CLNK: variants seen among roughly 807,000 people sequenced by gnomAD.
The protein encoded by CLNK is cytokine-dependent hematopoietic cell linker.
CLNK carries 74 observed loss-of-function variants against 68.6 expected under a neutral mutation model. The observed-to-expected ratio is 1.08, with a 90% CI of 0.89 to 1.31. CLNK has a LOEUF of 1.31. Among genes scored for constraint, CLNK ranks in the 50% most tolerant of loss-of-function variants. The pLI is 0.00. For synonymous variants in CLNK, 198 were observed against 172.2 expected (o/e 1.15, Z -1.17); for missense variants, 553 against 515.3 (o/e 1.07, Z -0.71).
the CLNK span, among the ~76,000 whole-genome samples, chr4:10,699,208 C>CACACACACACCACGTATGTGTGTGT: frequency 1.3e-5 from 2 of 148,314 alleles, no homozygotes; most frequent in South Asian, 4.3e-4. Context: ...TAAACACACA[C>CACACACACACCACGTATGTGTGTGT]ATACACACCA....
rs1437756157 is a variant in CLNK, at chr4:10,584,974, C to T, written c.84-19G>A. The T allele has an allele frequency of 5.6e-6, 9 of 1,613,304 alleles. No individual in the cohort carries two copies. The Admixed American group carries it at 1.0e-4, about 18-fold the overall frequency. ...CCATGACCTAGGGCAGAAAAGAGAA[C>T]CAAGTTAAATGTCCATTGCTCCACC... On this transcript the variant is annotated intron_variant, in intron 3 of 18. Coordinates refer to ENST00000226951, the MANE Select transcript of CLNK (RefSeq NM_052964.4).
the CLNK span, among the ~76,000 whole-genome samples, chr4:10,706,591 C>G: frequency 6.6e-6 from 1 of 152,204 alleles, no homozygotes; most frequent in Non-Finnish European, 1.5e-5. Context: ...TATCTGTCAT[C>G]TGCATACATC....
At chr4:10,685,465 C>T (rs1248019473), upstream of CLNK, among the ~76,000 whole-genome samples, 1 of 152,014 alleles carries the variant, frequency 6.6e-6, no homozygotes, top group Non-Finnish European at 1.5e-5. Flanking sequence ...AATGTTTGGG[C>T]ACATATCAGT....
At chr4:10,720,552 A>G in the CLNK span, among the ~76,000 whole-genome samples, 14 of 151,810 alleles carry the variant, frequency 9.2e-5, no homozygotes, top group Admixed American at 2.0e-4. Context: ...CTACATACCT[A>G]TTAGAATGAC....
At chr4:10,497,954 G>A (rs1423571448) in intron 18 of CLNK, among the ~76,000 whole-genome samples, 1 of 152,240 alleles carries the variant, frequency 6.6e-6, no homozygotes, top group East Asian at 1.9e-4. Context: ...CCAGCACTTT[G>A]GGAGGCCAAG....
intron 2 of CLNK, among the ~76,000 whole-genome samples, chr4:10,624,439 C>T (rs944229189): frequency 6.6e-6 from 1 of 152,074 alleles, no homozygotes; most frequent in Admixed American, 6.5e-5. Context: ...ACTATAGGCG[C>T]CCGCCACCAC....
intron 11 of CLNK, among the ~76,000 whole-genome samples, chr4:10,536,176 C>A (rs969706023): frequency 6.6e-6 from 1 of 152,194 alleles, no homozygotes; most frequent in Non-Finnish European, 1.5e-5. Context: ...AACTGCCTAC[C>A]ATTGATACAG....
At chr4:10,707,496 C>A in the CLNK span, among the ~76,000 whole-genome samples, 2 of 152,214 alleles carry the variant, frequency 1.3e-5, no homozygotes, top group African/African-American at 4.8e-5. Context: ...TTCCACCTAC[C>A]ACTTGTGGGT....
chr4:10,660,254 G>T (rs1357133944), intron 2 of CLNK, among the ~76,000 whole-genome samples: 1 of 152,176 alleles, frequency 6.6e-6, no homozygotes, highest in African/African-American at 2.4e-5. Context: ...TTCATGAGTT[G>T]TGTTGTTTTC....
At chr4:10,585,729 AT>A (rs1720942586) in intron 3 of CLNK, among the ~76,000 whole-genome samples, 1 of 152,214 alleles carries the variant, frequency 6.6e-6, no homozygotes, top group African/African-American at 2.4e-5. Flanking sequence ...GGGTGGGATG[AT>A]CACTTGAGCC....
chr4:10,682,340 C>A (rs1202139391), intron 1 of CLNK, among the ~76,000 whole-genome samples: 1 of 152,120 alleles, frequency 6.6e-6, no homozygotes, highest in Non-Finnish European at 1.5e-5. Flanking sequence ...GTAGGTACAG[C>A]CTAGAAGAAC....
At chr4:10,524,286 C>T (rs1718211130) in intron 14 of CLNK, among the ~76,000 whole-genome samples, 1 of 152,076 alleles carries the variant, frequency 6.6e-6, no homozygotes, top group East Asian at 1.9e-4. Flanking sequence ...AGTAAAGGAG[C>T]AGAAAGGCAT....
At chr4:10,540,230 T>G (rs372521574) in intron 11 of CLNK, among the ~76,000 whole-genome samples, 1 of 152,250 alleles carries the variant, frequency 6.6e-6, no homozygotes, top group African/African-American at 2.4e-5. Context: ...TTCTCTCACC[T>G]GCTGCCATGT....
At chr4:10,583,716 G>A (rs61795142) in intron 4 of CLNK, among the ~76,000 whole-genome samples, 6,040 of 152,258 alleles carry the variant, frequency 0.04, 179 homozygotes, top group Middle Eastern at 0.099. Context: ...GTGGGGTTTC[G>A]ATTTGTTTTC....
intron 2 of CLNK, among the ~76,000 whole-genome samples, chr4:10,660,482 A>G (rs1724154252): frequency 6.6e-6 from 1 of 152,222 alleles, no homozygotes; most frequent in Non-Finnish European, 1.5e-5. Flanking sequence ...CTTTATGTAT[A>G]TATTTTTGTA....
chr4:10,509,698 G>A (rs962563271), intron 16 of CLNK, among the ~76,000 whole-genome samples: 1 of 152,054 alleles, frequency 6.6e-6, no homozygotes, highest in Non-Finnish European at 1.5e-5. Context: ...GCTAATTTTT[G>A]TATTTTTAGT....
chr4:10,701,845 C>CT, the CLNK span, among the ~76,000 whole-genome samples: 1 of 152,172 alleles, frequency 6.6e-6, no homozygotes, highest in East Asian at 1.9e-4. Context: ...AGTTCATACT[C>CT]TTAAGAGGAA....
chr4:10,595,548 C>T (rs1200673768), intron 3 of CLNK, among the ~76,000 whole-genome samples: 2 of 152,156 alleles, frequency 1.3e-5, no homozygotes, highest in Non-Finnish European at 2.9e-5. Context: ...GGGCCCAGCA[C>T]TCAGCTTGGT....
chr4:10,731,407 C>A, the CLNK span, among the ~76,000 whole-genome samples: 1 of 152,176 alleles, frequency 6.6e-6, no homozygotes, highest in Admixed American at 6.5e-5. Context: ...CTACCCATTC[C>A]TCTCCTCTCA....
Sources: gnomAD v4.1 joint callset for allele counts (sites outside exome capture counted in the v4.1 genomes callset) on GRCh38, gnomAD v4.1.1 for gene constraint, MANE v1.5 for transcripts, NCBI Gene and HGNC (gene_info 2026-07-23, HGNC 2026-07-21) for gene names.